The following ZNF366 variants were observed in gnomAD, a reference collection of about 807,000 sequenced individuals.
ZNF366 encodes dendritic cell-specific transcript protein.
ZNF366 carries 20 observed loss-of-function variants against 47.2 expected under a neutral mutation model. The observed-to-expected ratio is 0.42, with a 90% confidence interval of 0.30 to 0.62. ZNF366 has a LOEUF of 0.62. Ranked by LOEUF, ZNF366 falls within the 20% of genes least tolerant of loss-of-function variation. The pLI is 0.16. For synonymous variants in ZNF366, 421 were observed against 395.1 expected (o/e 1.07, Z -0.78); for missense variants, 987 against 976.3 (o/e 1.01, Z -0.15).
intron 1 of ZNF366, among the ~76,000 whole-genome samples, chr5:72,464,843 G>A (rs1743399217): frequency 2.0e-5 from 3 of 152,054 alleles, no homozygotes; most frequent in South Asian, 4.2e-4. Flanking sequence ...GGTGGATCAT[G>A]AGGTCAGGAG....
intron 1 of ZNF366, among the ~76,000 whole-genome samples, chr5:72,497,318 T>C (rs995769198): frequency 6.6e-6 from 1 of 152,162 alleles, no homozygotes; most frequent in Non-Finnish European, 1.5e-5. Flanking sequence ...TACATGTGTA[T>C]AGTGTGAGAT....
chr5:72,494,138 T>C (rs778621309), intron 1 of ZNF366: 6 of 152,088 alleles, frequency 3.9e-5, no homozygotes, highest in Non-Finnish European at 8.8e-5. Context: ...ACATATACCA[T>C]AACATATGAC....
intron 1 of ZNF366, chr5:72,472,489 G>A: frequency 1.0e-6 from 1 of 953,794 alleles, no homozygotes; most frequent in Non-Finnish European, 1.2e-6. Flanking sequence ...TTCCCTACCA[G>A]TGGGTTCTGT....
chr5:72,490,663 A>G (rs1743990164), intron 1 of ZNF366, among the ~76,000 whole-genome samples: 3 of 152,090 alleles, frequency 2.0e-5, no homozygotes, highest in South Asian at 2.1e-4. Flanking sequence ...TTTGGGGTCT[A>G]TTTTTCGTCA....
intron 1 of ZNF366, among the ~76,000 whole-genome samples, chr5:72,478,550 G>A (rs1743722031): frequency 6.6e-6 from 1 of 152,160 alleles, no homozygotes; most frequent in African/African-American, 2.4e-5. Flanking sequence ...CCTTTAGAGT[G>A]AACTGCACAG....
chr5:72,497,251 A>G (rs1484004679), intron 1 of ZNF366, among the ~76,000 whole-genome samples: 1 of 152,184 alleles, frequency 6.6e-6, no homozygotes, highest in African/African-American at 2.4e-5. Flanking sequence ...GTGTTTCCCT[A>G]TAGAAATATT....
At chr5:72,467,928 G>T (rs1289839231) in intron 1 of ZNF366, among the ~76,000 whole-genome samples, 2 of 152,116 alleles carry the variant, frequency 1.3e-5, no homozygotes, top group African/African-American at 2.4e-5. Context: ...CAAAGGGTAG[G>T]GGGTGGGGAG....
intron 1 of ZNF366, among the ~76,000 whole-genome samples, chr5:72,488,261 G>A (rs1330056163): frequency 6.6e-6 from 1 of 151,880 alleles, no homozygotes; most frequent in African/African-American, 2.4e-5. Context: ...CTGGGTTCCA[G>A]GAGGAAGAAA....
intron 3 of ZNF366, among the ~76,000 whole-genome samples, chr5:72,450,217 A>C (rs1414281398): frequency 6.6e-6 from 1 of 152,202 alleles, no homozygotes; most frequent in African/African-American, 2.4e-5. Flanking sequence ...CTTACACCAC[A>C]AGTAAGGTAA....
chr5:72,477,522 G>C (rs1004413203), intron 1 of ZNF366, among the ~76,000 whole-genome samples: 2 of 152,108 alleles, frequency 1.3e-5, no homozygotes, highest in Non-Finnish European at 2.9e-5. Context: ...TCTGTTCCTG[G>C]GTTAGTGTTT....
chr5:72,496,334 T>G (rs1229900265), intron 1 of ZNF366, among the ~76,000 whole-genome samples: 2 of 152,206 alleles, frequency 1.3e-5, no homozygotes, highest in African/African-American at 2.4e-5. Context: ...TCTATCGTTT[T>G]GTGCTTTTAG....
chr5:72,471,858 A>T (rs113386572), intron 1 of ZNF366, among the ~76,000 whole-genome samples: 66 of 151,304 alleles, frequency 4.4e-4, no homozygotes, highest in South Asian at 1.3e-3. Flanking sequence ...CTTAAAAAAA[A>T]TTTTTTTTTA....
chr5:72,470,676 T>G (rs1285748619), intron 1 of ZNF366, among the ~76,000 whole-genome samples: 1 of 152,214 alleles, frequency 6.6e-6, no homozygotes, highest in Non-Finnish European at 1.5e-5. Flanking sequence ...CCTAGGTTTC[T>G]CTTGCTCCCT....
chr5:72,477,473 C>T (rs772934739), intron 1 of ZNF366, among the ~76,000 whole-genome samples: 28 of 152,192 alleles, frequency 1.8e-4, no homozygotes, highest in Non-Finnish European at 3.2e-4. Context: ...TTGATATCTG[C>T]AGGAGAGACC....
Position 72,461,006 on chromosome 5 carries a change from G to T in ZNF366, c.491C>A (p.Pro164Gln). 1 of 1,614,102 alleles carries T rather than the reference G, an allele frequency of 6.2e-7. No individual in the cohort carries two copies. Among genetic ancestry groups the T allele is most frequent in the Non-Finnish European group, 8.5e-7 (1 of 1,180,038 alleles). The change falls in exon 2 of 5, where the codon CCA becomes CAA. Residue 164 changes from proline (P) to glutamine (Q), a missense_variant. Pro to Gln is a moderately conservative substitution (Grantham distance 76). Transcript: ENST00000318442. ...PIKPSAVWPQ[P>Q]TPTPFLPTPY... ...CGTGGGCAGGAATGGAGTGGGCGTT[G>T]GCTGGGGCCACACGGCGCTGGGCTT...
rs1039192074 is a variant in ZNF366 at position 72,474,589 on chromosome 5, T to A, written c.-14-13079A>T. Among the ~76,000 whole-genome samples the A allele has an allele frequency of 1.9e-4, 29 of 152,290 alleles. No individual in the cohort carries two copies. In the South Asian group the frequency reaches 2.3e-3, roughly 12 times the overall value. On this transcript the variant is annotated intron_variant, in intron 1 of 4. Coordinates refer to ENST00000318442, the MANE Select transcript of ZNF366 (RefSeq NM_152625.3). Reference sequence around the variant, plus strand: ...TTTCAGTTTTCTATGTTAATTTTTTTAATAAGATTTCATCACATTCATAAC... The same window carrying A: ...TTTCAGTTTTCTATGTTAATTTTTTAAATAAGATTTCATCACATTCATAAC...
At chr5:72,444,455 G>A (rs904405169) in intron 4 of ZNF366, among the ~76,000 whole-genome samples, 164 bp from the exon 5 acceptor site, 6 of 152,194 alleles carry the variant, frequency 3.9e-5, no homozygotes, top group South Asian at 2.1e-4. Context: ...AACAGACAGT[G>A]TCCAAATCGG....
chr5:72,465,279 C>A (rs1210342852), intron 1 of ZNF366, among the ~76,000 whole-genome samples: 1 of 152,088 alleles, frequency 6.6e-6, no homozygotes, highest in Non-Finnish European at 1.5e-5. Flanking sequence ...AATATCTCTG[C>A]CTTTGAGCAC....
chr5:72,453,887 A>G (rs1743127980), intron 3 of ZNF366, among the ~76,000 whole-genome samples: 1 of 152,148 alleles, frequency 6.6e-6, no homozygotes, highest in Non-Finnish European at 1.5e-5. Context: ...CTTCACAAGA[A>G]CGCCCTTTCA....
Sources: gnomAD v4.1 joint callset for allele counts (sites outside exome capture counted in the v4.1 genomes callset) on GRCh38, gnomAD v4.1.1 for gene constraint, MANE v1.5 for transcripts, NCBI Gene and HGNC (gene_info 2026-07-23, HGNC 2026-07-21) for gene names.